Variants in TENM4 observed in about 807,000 individuals in gnomAD.
TENM4 encodes teneurin-4.
TENM4 carries 82 observed loss-of-function variants against 243.3 expected under a neutral mutation model. The observed-to-expected ratio is 0.34, with a 90% CI of 0.28 to 0.40. The LOEUF is 0.40. Among genes scored for constraint, TENM4 ranks in the 10% least tolerant of loss-of-function variants. TENM4 has a pLI of 1.00. For missense variants in TENM4, 3,138 were observed against 3,673.3 expected, an observed-to-expected ratio of 0.85 and a Z score of 3.77; for synonymous variants, 1,412 against 1,456.3, an observed-to-expected ratio of 0.97 and a Z score of 0.69.
chr11:79,164,447 A>AGTATATATAGTATATATATAGTGT (rs1862857542), intron 3 of TENM4, among the ~76,000 whole-genome samples: 1 of 137,542 alleles, frequency 7.3e-6, no homozygotes, highest in Admixed American at 7.6e-5. Flanking sequence ...TGTACTATAT[A>AGTATATATAGTATATATATAGTGT]GTATATATAG....
chr11:78,688,439 T>C (rs529598543), intron 28 of TENM4, among the ~76,000 whole-genome samples: 1 of 152,274 alleles, frequency 6.6e-6, no homozygotes, highest in African/African-American at 2.4e-5. Context: ...GGAAAATAAC[T>C]GACCTCTCTG....
At chr11:78,797,194 A>C (rs1484460107) in intron 15 of TENM4, among the ~76,000 whole-genome samples, 1 of 152,234 alleles carries the variant, frequency 6.6e-6, no homozygotes, top group Admixed American at 6.5e-5. Flanking sequence ...AGTGTCTTTG[A>C]GCAAGTCACG....
At chr11:79,007,595 G>A (rs1310828486) in intron 6 of TENM4, among the ~76,000 whole-genome samples, 1 of 152,166 alleles carries the variant, frequency 6.6e-6, no homozygotes, top group Admixed American at 6.5e-5. Flanking sequence ...CTGAGACAAG[G>A]AGTAAGGCAG....
chr11:78,754,822 C>T (rs990588660), intron 19 of TENM4, among the ~76,000 whole-genome samples: 4 of 152,138 alleles, frequency 2.6e-5, no homozygotes, highest in East Asian at 1.9e-4. Context: ...CTCAGTACTC[C>T]GGGGGTAAGT....
At chr11:78,872,640 A>G (rs115864686) in intron 9 of TENM4, among the ~76,000 whole-genome samples, 177 of 152,138 alleles carry the variant, frequency 1.2e-3, no homozygotes, top group African/African-American at 4.0e-3. Flanking sequence ...CCCCTCCCTC[A>G]CCTGTGTTAA....
chr11:79,110,670 G>T (rs921948578), intron 4 of TENM4, among the ~76,000 whole-genome samples: 1 of 152,166 alleles, frequency 6.6e-6, no homozygotes, highest in Non-Finnish European at 1.5e-5. Context: ...TGCATGTCAG[G>T]TAAGTTCCAA....
At chr11:79,231,124 G>A (rs1268005581) in intron 2 of TENM4, among the ~76,000 whole-genome samples, 1 of 152,188 alleles carries the variant, frequency 6.6e-6, no homozygotes, top group Non-Finnish European at 1.5e-5. Context: ...AGAAAATAAA[G>A]TAAAAGGGAC....
rs78963565 is a variant in TENM4 at position 79,409,110 on chromosome 11, G to A, written c.-321+31399C>T. ...TGTGTGTGTGTGTGTGTGCGCGCGC[G>A]CGCGTGCGTGCACGCGCACGCACAT... On this transcript the variant is annotated intron_variant, in intron 1 of 33. Transcript: ENST00000278550. Among the ~76,000 whole-genome samples, 1,373 of 144,704 alleles carry A rather than the reference G, an allele frequency of 9.5e-3. 19 individuals are homozygous for A. The highest frequency in any genetic ancestry group is 0.034 in the African/African-American group (1,288 of 37,460). 94.9% of individuals were successfully genotyped at this position (144,704 alleles called of 152,430 possible).
chr11:79,284,353 G>A (rs1346325857), intron 2 of TENM4, among the ~76,000 whole-genome samples: 1 of 152,156 alleles, frequency 6.6e-6, no homozygotes, highest in Non-Finnish European at 1.5e-5. Flanking sequence ...TGGCATATGA[G>A]TAGATATATA....
chr11:79,038,282 TG>T (rs1859437526), intron 6 of TENM4, among the ~76,000 whole-genome samples: 1 of 152,226 alleles, frequency 6.6e-6, no homozygotes. Flanking sequence ...CTGGTAATCA[TG>T]TCTACTTAGA....
chr11:79,112,443 G>A (rs972894404), intron 4 of TENM4, among the ~76,000 whole-genome samples: 3 of 152,264 alleles, frequency 2.0e-5, no homozygotes, highest in Admixed American at 6.5e-5. Context: ...GCACACAGCT[G>A]AGCGGGGTGA....
chr11:78,856,440 G>C (rs1276116053), intron 10 of TENM4, among the ~76,000 whole-genome samples: 2 of 152,090 alleles, frequency 1.3e-5, no homozygotes, highest in African/African-American at 4.8e-5. Context: ...CTCCCCAAGG[G>C]CCATCTGTTT....
intron 1 of TENM4, among the ~76,000 whole-genome samples, chr11:79,334,139 C>T (rs762517274): frequency 3.9e-5 from 6 of 152,140 alleles, no homozygotes; most frequent in Non-Finnish European, 5.9e-5. Flanking sequence ...ATGAGAGCCC[C>T]AACAAAAACA....
At chr11:78,906,343 C>T (rs1050165397) in intron 6 of TENM4, among the ~76,000 whole-genome samples, 1 of 152,192 alleles carries the variant, frequency 6.6e-6, no homozygotes, top group African/African-American at 2.4e-5. Flanking sequence ...TTGCATAAAA[C>T]TTAAACACCT....
chr11:79,267,692 G>A (rs1011345518), intron 2 of TENM4, among the ~76,000 whole-genome samples: 1 of 152,090 alleles, frequency 6.6e-6, no homozygotes, highest in Non-Finnish European at 1.5e-5. Flanking sequence ...ATTATATAAG[G>A]TATGACTAGC....
intron 2 of TENM4, among the ~76,000 whole-genome samples, chr11:79,254,834 A>G (rs1302335223): frequency 6.6e-6 from 1 of 152,206 alleles, no homozygotes; most frequent in African/African-American, 2.4e-5. Flanking sequence ...GGTTTATTTG[A>G]CAAGCTTGAG....
At chr11:78,835,027 T>G (rs1858070859) in intron 12 of TENM4, among the ~76,000 whole-genome samples, 1 of 152,210 alleles carries the variant, frequency 6.6e-6, no homozygotes, top group Admixed American at 6.5e-5. Context: ...CATCTCTTGC[T>G]GGCTCTTGTC....
chr11:78,876,997 C>G (rs1160504185), intron 9 of TENM4, among the ~76,000 whole-genome samples: 1 of 152,186 alleles, frequency 6.6e-6, no homozygotes, highest in Non-Finnish European at 1.5e-5. Context: ...GCTTAATGCT[C>G]AAAACACCAC....
At chr11:78,853,946 C>T (rs954445980) in intron 12 of TENM4, among the ~76,000 whole-genome samples, 158 bp downstream of exon 12, 3 of 152,200 alleles carry the variant, frequency 2.0e-5, no homozygotes, top group African/African-American at 4.8e-5. Flanking sequence ...GCGGGCGATT[C>T]CCTGTGTAGC....
Sources: allele counts gnomAD v4.1 joint callset (sites outside exome capture counted in the v4.1 genomes callset), GRCh38; gene constraint gnomAD v4.1.1; transcripts MANE v1.5; gene names NCBI Gene and HGNC (gene_info 2026-07-23, HGNC 2026-07-21).